Variants in XDH observed in about 807,000 individuals in gnomAD.
The protein encoded by XDH is xanthine dehydrogenase, also known as xanthine dehydrogenase/oxidase.
XDH carries 138 observed loss-of-function variants against 156.1 expected under a neutral mutation model. That is an observed-to-expected ratio of 0.88 (90% CI 0.77 to 1.02). The LOEUF is 1.02. XDH is among the 50% of genes least tolerant of loss of function. XDH has a pLI of 0.00. For synonymous variants in XDH, 669 were observed against 625.7 expected (o/e 1.07, Z -1.03); for missense variants, 1,849 against 1,684.9 (o/e 1.10, Z -1.71).
chr2:31,365,428 C>A lies in XDH; in HGVS notation c.2544+29G>T, dbSNP rs1468881650. Reference sequence around the variant, plus strand: ...GCTTTCCTCACAAAATGGCTCATCCCGCCCCAGCACAGCCCCAACATCTAG... The same window carrying A: ...GCTTTCCTCACAAAATGGCTCATCCAGCCCCAGCACAGCCCCAACATCTAG... On this transcript the variant is annotated intron_variant, in intron 23 of 35. Transcript: ENST00000379416. 5 of 1,613,036 alleles carry A rather than the reference C, an allele frequency of 3.1e-6. No individual in the cohort carries two copies. The African/African-American group carries it at 5.3e-5, about 17-fold the overall frequency.
intron 6 of XDH, among the ~76,000 whole-genome samples, chr2:31,389,134 G>A (rs1013813633): frequency 9.9e-5 from 15 of 152,194 alleles, no homozygotes; most frequent in African/African-American, 3.6e-4. Flanking sequence ...CACTTTTATC[G>A]GGTAGTCAAT....
At chr2:31,348,825 T>C in intron 27 of XDH, 74 bp downstream of exon 27, 1 of 1,413,886 alleles carries the variant, frequency 7.1e-7, no homozygotes. Context: ...GAAATTTCCC[T>C]TGCAATACTG....
At chr2:31,395,279 G>C (rs1190162980) in intron 6 of XDH, among the ~76,000 whole-genome samples, 1 of 151,924 alleles carries the variant, frequency 6.6e-6, no homozygotes, top group Admixed American at 6.6e-5. Context: ...TTTTTTCTCC[G>C]TTTGGTGGGA....
At chr2:31,373,530 ATGGTTTGT>A (rs1686135917) in intron 16 of XDH, among the ~76,000 whole-genome samples, 1 of 91,240 alleles carries the variant, frequency 1.1e-5, no homozygotes, top group South Asian at 3.8e-4. Context: ...GAGCAGATAG[ATGGTTTGT>A]TTGTTTGTTT....
chr2:31,347,770 A>C lies in XDH; in HGVS notation c.3148-120T>G, dbSNP rs1685341827. 6.1e-6 allele frequency: 8 copies of C among 1,310,342 alleles called. No homozygotes were observed. In the South Asian group the frequency reaches 1.0e-4, roughly 16 times the overall value. The allele number at this position is 1,310,342 out of a possible 1,614,324, so 81.2% of individuals were successfully genotyped here. On this transcript the variant is annotated intron_variant, in intron 28 of 35. Transcript: ENST00000379416. ...GCAAGAAAACAATTTCGTAAACTCT[A>C]ATCTCATTGTCTGGGATGTCCTTAC...
chr2:31,345,169 T>C lies in XDH; in HGVS notation c.3352-433A>G, dbSNP rs761289650. Among the ~76,000 whole-genome samples the C allele has an allele frequency of 1.2e-3, 185 of 152,162 alleles. 2 individuals carry two copies. The highest frequency in any genetic ancestry group is 2.2e-3 in the Non-Finnish European group (148 of 68,034). Reference sequence around the variant, plus strand: ...AGCTAAATCTCTCTCAATTCTTCCATCTCCCACACCTCTGCACCTTTATTT... The same window carrying C: ...AGCTAAATCTCTCTCAATTCTTCCACCTCCCACACCTCTGCACCTTTATTT... On this transcript the variant is annotated intron_variant, in intron 30 of 35. Transcript: ENST00000379416.
intron 35 of XDH, 59 bp from the exon 36 acceptor site, chr2:31,336,067 C>T: frequency 1.3e-6 from 2 of 1,562,276 alleles, no homozygotes; most frequent in African/African-American, 1.4e-5. Flanking sequence ...TCCTCCCACT[C>T]TCTTGCATAC....
At chr2:31,372,537 C>T in intron 16 of XDH, 140 bp from the exon 17 acceptor site, 3 of 1,101,934 alleles carry the variant, frequency 2.7e-6, no homozygotes, top group Non-Finnish European at 4.0e-6. Context: ...GGGCGTGGGG[C>T]AAAGGGAACA....
At chr2:31,354,580 A>G (rs1183107223) in intron 24 of XDH, among the ~76,000 whole-genome samples, 1 of 152,242 alleles carries the variant, frequency 6.6e-6, no homozygotes, top group Non-Finnish European at 1.5e-5. Flanking sequence ...CACCAAAGAC[A>G]TAGAAGATAC....
At chr2:31,360,847 G>A (rs1167865002) in intron 24 of XDH, among the ~76,000 whole-genome samples, 1 of 148,640 alleles carries the variant, frequency 6.7e-6, no homozygotes, top group Non-Finnish European at 1.5e-5. Context: ...GATAAGGGGA[G>A]ATGACTGTAT....
intron 27 of XDH, among the ~76,000 whole-genome samples, chr2:31,348,666 G>A (rs1182516284): frequency 7.9e-5 from 12 of 152,184 alleles, no homozygotes; most frequent in Admixed American, 5.9e-4. Flanking sequence ...TCTCCAGTCC[G>A]ATAGTTAAGG....
At chr2:31,414,500 A>G in intron 1 of XDH, 125 bp downstream of exon 1, 2 of 1,386,622 alleles carry the variant, frequency 1.4e-6, no homozygotes, top group East Asian at 4.6e-5. Flanking sequence ...TTAAAGCGAG[A>G]GAGAGAAAGA....
intron 33 of XDH, among the ~76,000 whole-genome samples, chr2:31,340,764 C>G (rs1386738961): frequency 6.6e-6 from 1 of 152,180 alleles, no homozygotes; most frequent in Non-Finnish European, 1.5e-5. Flanking sequence ...GCCACAGGTC[C>G]CAGCCCTATT....
intron 34 of XDH, 130 bp from the exon 35 acceptor site, chr2:31,337,947 G>A (rs1365405665): frequency 1.1e-6 from 1 of 923,710 alleles, no homozygotes; most frequent in East Asian, 2.7e-5. Flanking sequence ...AAGCACTGAT[G>A]GGAGCCACAC....
chr2:31,397,545 C>T, intron 6 of XDH, 123 bp downstream of exon 6: 1 of 1,221,070 alleles, frequency 8.2e-7, no homozygotes, highest in Non-Finnish European at 1.2e-6. Context: ...GGAAGACTCA[C>T]TAACTGGTCA....
chr2:31,393,326 C>A (rs1476824633), intron 6 of XDH, among the ~76,000 whole-genome samples: 2 of 152,180 alleles, frequency 1.3e-5, no homozygotes, highest in East Asian at 1.9e-4. Context: ...TAGGTGCACA[C>A]ACATTAAGGA....
At position 31,387,831 on chromosome 2, in the gene XDH, T is replaced by C; in HGVS notation, c.631A>G (p.Ile211Val). 1 of 1,585,208 alleles carries C rather than the reference T, an allele frequency of 6.3e-7. No individual in the cohort carries two copies. Among genetic ancestry groups the C allele is most frequent in the Non-Finnish European group, 8.6e-7 (1 of 1,166,066 alleles). ...FTPLDPTQEPIFPPELLRLKD... is the reference protein window; with the variant it reads ...FTPLDPTQEPVFPPELLRLKD... ...CCTACCAGCAACTCTGGGGGAAAAA[T>C]GGGCTCCTGGGTTGGATCCAGGGGC... Residue 211 changes from isoleucine to valine, a missense_variant, in exon 8 of 36, where the codon ATT (isoleucine) becomes GTT (valine). Physicochemically the swap from Ile to Val is conservative, Grantham distance 29. Coordinates refer to ENST00000379416, the MANE Select transcript of XDH (RefSeq NM_000379.4).
rs181743036 is a variant in XDH at position 31,337,751 on chromosome 2, C to A, written c.3841G>T (p.Ala1281Ser). ...TTACCTGTGTGCTGAGCTCGAGCTG[C>A]ACGGATGGCATCTTTGATGGCAAAG... is the stretch of plus-strand genomic sequence containing the variant. ...IFFAIKDAIRAARAQHTGNNV... is the reference protein window; with the variant it reads ...IFFAIKDAIRSARAQHTGNNV... Residue 1281 changes from alanine to serine, a missense_variant, in exon 35 of 36, where the codon GCA becomes TCA. Transcript: ENST00000379416. The A allele has an allele frequency of 1.2e-6, 2 of 1,614,116 alleles. No individual in the cohort carries two copies. Among genetic ancestry groups the A allele is most frequent in the Non-Finnish European group, 1.7e-6 (2 of 1,180,050 alleles).
At chr2:31,375,646 A>T in intron 14 of XDH, 92 bp from the exon 15 acceptor site, 4 of 1,471,844 alleles carry the variant, frequency 2.7e-6, no homozygotes, top group Non-Finnish European at 3.7e-6. Context: ...GGAGCTGTAC[A>T]AAGCTTGGTT....
Sources: allele counts gnomAD v4.1 joint callset (sites outside exome capture counted in the v4.1 genomes callset), GRCh38; gene constraint gnomAD v4.1.1; transcripts MANE v1.5; gene names NCBI Gene and HGNC (gene_info 2026-07-23, HGNC 2026-07-21).